The following PARP6 variants were observed in gnomAD, a reference collection of about 807,000 sequenced individuals.
PARP6 encodes the protein poly(ADP-ribose) polymerase family member 6, also known as protein mono-ADP-ribosyltransferase PARP6.
A neutral mutation model predicts 92.0 loss-of-function variants in PARP6; 27 were observed. The ratio of observed to expected loss-of-function variants is 0.29; its 90% confidence interval spans 0.22 to 0.40. PARP6 has a LOEUF of 0.40. Ranked by LOEUF, PARP6 falls within the 10% of genes least tolerant of loss-of-function variation. The pLI is 1.00. For missense variants in PARP6, 501 were observed against 784.5 expected, an observed-to-expected ratio of 0.64 and a Z score of 4.32; for synonymous variants, 272 against 281.2, an observed-to-expected ratio of 0.97 and a Z score of 0.33.
At chr15:72,264,157 G>GA (rs1168778932) in intron 8 of PARP6, among the ~76,000 whole-genome samples, 1 of 152,074 alleles carries the variant, frequency 6.6e-6, no homozygotes, top group Admixed American at 6.6e-5. Flanking sequence ...AAACTTCACT[G>GA]AGAGTGGAAA....
At chr15:72,265,842 A>T in intron 5 of PARP6, 55 bp downstream of exon 5, 1 of 1,184,534 alleles carries the variant, frequency 8.4e-7, no homozygotes, top group Non-Finnish European at 1.3e-6. Flanking sequence ...CTAGCCTTTT[A>T]ACAACTCAGA....
chr15:72,251,124 G>A, intron 17 of PARP6, 83 bp downstream of exon 17: 3 of 1,034,012 alleles, frequency 2.9e-6, no homozygotes, highest in Non-Finnish European at 4.6e-6. Context: ...GCAGATCTAG[G>A]ACCAATATGG....
In PARP6 at chr15:72,259,577, G is replaced by A. The variant is rs779178666; in HGVS notation, c.810+31C>T. The A allele has an allele frequency of 2.5e-6, 4 of 1,606,172 alleles. No homozygotes were observed. The East Asian group carries it at 6.7e-5, about 27-fold the overall frequency. ...CCAAATGGGTCAGACAACAGGGAAG[G>A]GCTTCGGAGTGACAATTTTGACTTG... On this transcript the variant is annotated intron_variant, in intron 11 of 23. Coordinates refer to ENST00000569795, the MANE Select transcript of PARP6 (RefSeq NM_001323532.2).
At chr15:72,247,636 T>C (rs575518420) in intron 20 of PARP6, among the ~76,000 whole-genome samples, 26 of 152,332 alleles carry the variant, frequency 1.7e-4, no homozygotes, top group Admixed American at 1.3e-4. Flanking sequence ...TTATTTTGTG[T>C]GTGGAAATTT....
In PARP6 at chr15:72,265,163, G is replaced by C. The variant is rs767639643; in HGVS notation, c.246C>G (p.Val82=). ...HINISFLDEE[V]STAWKVLRTE... ...TCCGGAGGACCTTCCAGGCTGTAGA[G>C]ACTTCCTCCTAAAAGAAGAAGGGAA... The change falls in exon 7 of 24, where the codon GTC becomes GTG. Residue 82 remains valine (V), a synonymous_variant. Transcript: ENST00000569795. The C allele has an allele frequency of 2.5e-6, 4 of 1,609,668 alleles. No homozygotes were observed. In the South Asian group the frequency reaches 4.4e-5, roughly 18 times the overall value.
chr15:72,263,118 T>C (rs1341267315), intron 8 of PARP6, among the ~76,000 whole-genome samples: 1 of 152,232 alleles, frequency 6.6e-6, no homozygotes, highest in Non-Finnish European at 1.5e-5. Context: ...TAATTACCTA[T>C]CATCATCCTA....
Position 72,266,826 on chromosome 15 carries a change from G to A in PARP6, c.4-4C>T, listed in dbSNP as rs2899778. 4.3e-6 allele frequency: 7 copies of A among 1,610,080 alleles called. No homozygotes were observed. Among genetic ancestry groups the A allele is most frequent in the Non-Finnish European group, 6.0e-6 (7 of 1,176,330 alleles). On this transcript the variant is annotated splice_region_variant and splice_polypyrimidine_tract_variant and intron_variant, in intron 3 of 23. Coordinates refer to ENST00000569795, the MANE Select transcript of PARP6 (RefSeq NM_001323532.2). The stretch of plus-strand genomic sequence containing the variant: ...TCCAGAACTGGCCTTTGATGTCCTA[G>A]TGGTGAGAAATAAGGATATCATGCT...
Position 72,241,831 on chromosome 15 carries a change from C to A in PARP6, c.1790+70G>T. 1 of 1,124,768 alleles carries A rather than the reference C, an allele frequency of 8.9e-7. No homozygotes were observed. Among genetic ancestry groups the A allele is most frequent in the East Asian group, 2.3e-5 (1 of 42,636 alleles). 69.7% of individuals were successfully genotyped at this position (1,124,768 alleles called of 1,614,324 possible). On this transcript the variant is annotated intron_variant, in intron 23 of 23. Transcript: ENST00000569795. This position sits in a 1 kb window ranked among gnomAD's most constrained non-coding sequence, Gnocchi z 4.1. ...TCAGATAACAGAAATAGACTTTTCC[C>A]AGTAGCCACACACCATCACACCCCC...
chr15:72,259,624 T>C lies in PARP6; in HGVS notation c.794A>G (p.Tyr265Cys), dbSNP rs1279001843. 1.9e-6 allele frequency: 3 copies of C among 1,613,996 alleles called. No homozygotes were observed. The highest frequency in any genetic ancestry group is 2.5e-6 in the Non-Finnish European group (3 of 1,179,984). Reference sequence around the variant, plus strand: ...CTTGATTACCTGAACGAGGAATCCATACTCCAGAGTGGGAATGTTCTTGCA... The same window carrying C: ...CTTGATTACCTGAACGAGGAATCCACACTCCAGAGTGGGAATGTTCTTGCA... ...GHCKNIPTLE[Y>C]GFLVQIMKYA... is the part of the protein sequence containing the mutation. The change falls in exon 11 of 24, where the codon TAT becomes TGT. Residue 265 changes from tyrosine to cysteine, a missense_variant. By Grantham distance (194) the Tyr-to-Cys change is radical (BLOSUM62 -2). Coordinates refer to ENST00000569795, the MANE Select transcript of PARP6 (RefSeq NM_001323532.2).
chr15:72,265,318 C>T, intron 6 of PARP6, 95 bp downstream of exon 6: 1 of 1,161,324 alleles, frequency 8.6e-7, no homozygotes, highest in Non-Finnish European at 1.3e-6. Context: ...AATATGTGCT[C>T]CAAATACAGC....
intron 1 of PARP6, among the ~76,000 whole-genome samples, chr15:72,272,030 A>C (rs1046472796): frequency 2.0e-5 from 3 of 152,072 alleles, no homozygotes; most frequent in African/African-American, 7.2e-5. Flanking sequence ...AGGTTACTCC[A>C]CTCCATCCCG....
chr15:72,263,556 C>T (rs908182615), intron 8 of PARP6, among the ~76,000 whole-genome samples: 2 of 152,140 alleles, frequency 1.3e-5, no homozygotes, highest in Non-Finnish European at 2.9e-5. Flanking sequence ...CTAACTTGAA[C>T]CCTTCCCTAT....
In PARP6 at chr15:72,266,790, G is replaced by C. The variant is rs761102475; in HGVS notation, c.36C>G (p.Asp12Glu). Residue 12 changes from aspartate (D) to glutamate (E), a missense_variant, in exon 4 of 24, where the codon GAC becomes GAG. By Grantham distance (45) the Asp-to-Glu change is conservative. Coordinates refer to ENST00000569795, the MANE Select transcript of PARP6 (RefSeq NM_001323532.2). ...DIKGQFWNDD[D>E]SEGDNESEEF... ...CCTCTGATTCATTATCTCCCTCCGA[G>C]TCGTCATCATTCCAGAACTGGCCTT... is the stretch of plus-strand genomic sequence containing the variant. 6.2e-7 allele frequency: 1 copy of C among 1,613,996 alleles called. No individual in the cohort carries two copies. Among genetic ancestry groups the C allele is most frequent in the South Asian group, 1.1e-5 (1 of 91,076 alleles).
chr15:72,259,038 A>G (rs2085503696), intron 11 of PARP6, among the ~76,000 whole-genome samples: 1 of 152,240 alleles, frequency 6.6e-6, no homozygotes, highest in Non-Finnish European at 1.5e-5. Context: ...GCCATATGAA[A>G]CAAAAACAAA....
chr15:72,259,738 A>C, intron 10 of PARP6, 77 bp from the exon 11 acceptor site: 1 of 1,226,470 alleles, frequency 8.2e-7, no homozygotes, highest in Non-Finnish European at 1.2e-6. Context: ...CTTGCCTATC[A>C]CCTAGGACTC....
chr15:72,242,313 T>A lies in PARP6; in HGVS notation c.1642-93A>T. ...GTTAGCTGATGATTGGGAGTGGGGA[T>A]CAGAGATATCCTGGGCTCCCAGCAA... On this transcript the variant is annotated intron_variant, in intron 21 of 23. Transcript: ENST00000569795. This position sits in a 1 kb window ranked among gnomAD's most constrained non-coding sequence, Gnocchi z 4.3. 27 of 1,003,744 alleles carry A rather than the reference T, an allele frequency of 2.7e-5. No individual in the cohort carries two copies. The South Asian group carries it at 3.6e-4, about 13-fold the overall frequency. The allele number at this position is 1,003,744 out of a possible 1,614,324, so 62.2% of individuals were successfully genotyped here.
rs1364077928 is a variant in PARP6 at position 72,266,763 on chromosome 15, T to C, written c.63A>G (p.Glu21=). 4.3e-6 allele frequency: 7 copies of C among 1,613,644 alleles called. No homozygotes were observed. Among genetic ancestry groups the C allele is most frequent in the Non-Finnish European group, 5.9e-6 (7 of 1,179,654 alleles). Residue 21 remains glutamate (E), a synonymous_variant, in exon 4 of 24, where the codon GAA becomes GAG. Coordinates refer to ENST00000569795, the MANE Select transcript of PARP6 (RefSeq NM_001323532.2). ...DDSEGDNESE[E]FLYGVQGSCA... ...ACCTCACCTGAACGCCATAGAGAAATTCCTCTGATTCATTATCTCCCTCCG... is the reference window on the plus strand; with the variant it reads ...ACCTCACCTGAACGCCATAGAGAAACTCCTCTGATTCATTATCTCCCTCCG...
chr15:72,249,857 G>A (rs970586906), intron 19 of PARP6, among the ~76,000 whole-genome samples, 163 bp downstream of exon 19: 7 of 152,128 alleles, frequency 4.6e-5, no homozygotes, highest in East Asian at 3.8e-4. Flanking sequence ...CAACAGCCAC[G>A]TTCTCTATTC....
chr15:72,268,517 G>C (rs1305648463), intron 2 of PARP6, among the ~76,000 whole-genome samples: 1 of 152,206 alleles, frequency 6.6e-6, no homozygotes, highest in East Asian at 1.9e-4. Context: ...TGACCAATGG[G>C]GTGAAACCCC....
Sources: allele counts gnomAD v4.1 joint callset (sites outside exome capture counted in the v4.1 genomes callset), GRCh38; gene constraint gnomAD v4.1.1; non-coding constraint Gnocchi (gnomAD v3.1); transcripts MANE v1.5; gene names NCBI Gene and HGNC (gene_info 2026-07-23, HGNC 2026-07-21).